RBFOX1: variants seen among roughly 807,000 people sequenced by gnomAD.
RBFOX1 encodes RNA binding fox-1 homolog 1.
A neutral mutation model predicts 57.7 loss-of-function variants in RBFOX1; 8 were observed. The ratio of observed to expected loss-of-function variants is 0.14; its 90% CI spans 0.08 to 0.25. The LOEUF (loss-of-function observed/expected upper bound fraction) is 0.25, where lower values mean the gene tolerates loss of function less well. Among genes scored for constraint, RBFOX1 ranks in the 10% least tolerant of loss-of-function variants. RBFOX1 has a pLI of 1.00. For synonymous variants in RBFOX1, 326 were observed against 222.4 expected, an observed-to-expected ratio of 1.47 and a Z score of -4.15; for missense variants, 611 against 548.5, an observed-to-expected ratio of 1.11 and a Z score of -1.14.
At chr16:5,972,267 C>T (rs187986907) in intron 4 of RBFOX1, among the ~76,000 whole-genome samples, 4 of 151,954 alleles carry the variant, frequency 2.6e-5, no homozygotes, top group African/African-American at 9.6e-5. Context: ...CTGACTAATA[C>T]AGTTGCTAAG....
chr16:5,725,262 G>C (rs2151545165), intron 3 of RBFOX1, among the ~76,000 whole-genome samples: 1 of 151,960 alleles, frequency 6.6e-6, no homozygotes, highest in East Asian at 1.9e-4. Context: ...TTTTTGTTAA[G>C]AGACAGGGTC....
intron 2 of RBFOX1, among the ~76,000 whole-genome samples, chr16:6,484,895 T>C (rs1241961179): frequency 6.6e-6 from 1 of 152,212 alleles, no homozygotes; most frequent in Non-Finnish European, 1.5e-5. Flanking sequence ...TGCGGTTTAT[T>C]GCTGAAGCAG....
chr16:7,140,936 T>C (rs1283447983), intron 4 of RBFOX1, among the ~76,000 whole-genome samples: 1 of 152,098 alleles, frequency 6.6e-6, no homozygotes, highest in African/African-American at 2.4e-5. Context: ...TTTCTAAGTG[T>C]CTCAGAGCCT....
chr16:6,093,032 G>C (rs2096198876), intron 1 of RBFOX1: 1 of 152,140 alleles, frequency 6.6e-6, no homozygotes, highest in Non-Finnish European at 1.5e-5. Flanking sequence ...TTACCTGTAT[G>C]ACAAACCTGC....
intron 4 of RBFOX1, among the ~76,000 whole-genome samples, chr16:7,062,220 G>C (rs1437193092): frequency 6.7e-6 from 1 of 149,770 alleles, no homozygotes; most frequent in Non-Finnish European, 1.5e-5. Context: ...TCAGGAGGCT[G>C]AGGCAGGAGA....
chr16:5,726,738 C>G (rs2052166709), intron 3 of RBFOX1, among the ~76,000 whole-genome samples: 1 of 152,214 alleles, frequency 6.6e-6, no homozygotes, highest in African/African-American at 2.4e-5. Flanking sequence ...TCATTGCTGA[C>G]ATTGTGACAT....
chr16:6,237,783 T>G (rs552761892), intron 1 of RBFOX1, among the ~76,000 whole-genome samples: 22 of 151,112 alleles, frequency 1.5e-4, no homozygotes, highest in South Asian at 6.3e-4. Context: ...TAAATGAAAT[T>G]AAATTAAACA....
intron 3 of RBFOX1, among the ~76,000 whole-genome samples, chr16:5,743,070 C>T (rs965711734): frequency 6.6e-6 from 1 of 152,088 alleles, no homozygotes; most frequent in Non-Finnish European, 1.5e-5. Flanking sequence ...AAGTGCTTTT[C>T]TCAAATGGAC....
At chr16:5,760,247 G>C (rs933545191) in intron 3 of RBFOX1, among the ~76,000 whole-genome samples, 1 of 152,130 alleles carries the variant, frequency 6.6e-6, no homozygotes, top group African/African-American at 2.4e-5. Context: ...GGCAAACAGA[G>C]ACAGTTGGTT....
At chr16:7,430,619 C>G (rs1263721917) in intron 4 of RBFOX1, among the ~76,000 whole-genome samples, 1 of 149,712 alleles carries the variant, frequency 6.7e-6, no homozygotes, top group African/African-American at 2.5e-5. Flanking sequence ...AAGATTATGC[C>G]ACTGCACACC....
chr16:7,667,682 T>G (rs545920596), intron 13 of RBFOX1, among the ~76,000 whole-genome samples: 1 of 151,782 alleles, frequency 6.6e-6, no homozygotes, highest in South Asian at 2.1e-4. Context: ...AACCTCTTTT[T>G]GTTATTATTA....
At chr16:5,784,024 G>C (rs2054413202) in intron 3 of RBFOX1, among the ~76,000 whole-genome samples, 3 of 152,196 alleles carry the variant, frequency 2.0e-5, no homozygotes, top group African/African-American at 4.8e-5. Flanking sequence ...AAATAAAAGA[G>C]GTTTAATTAG....
At chr16:7,425,585 CAT>C (rs1223579245) in intron 4 of RBFOX1, among the ~76,000 whole-genome samples, 1 of 152,186 alleles carries the variant, frequency 6.6e-6, no homozygotes, top group Non-Finnish European at 1.5e-5. Context: ...TCTGAAATTA[CAT>C]AGTTTCCTCT....
chr16:5,901,395 C>T (rs185164185), intron 4 of RBFOX1, among the ~76,000 whole-genome samples: 2 of 152,132 alleles, frequency 1.3e-5, no homozygotes, highest in Non-Finnish European at 2.9e-5. Flanking sequence ...GCAATGATGT[C>T]TTATGATGTA....
intron 4 of RBFOX1, among the ~76,000 whole-genome samples, chr16:7,189,182 T>C (rs1602351484): frequency 6.6e-6 from 1 of 151,792 alleles, no homozygotes; most frequent in African/African-American, 2.4e-5. Context: ...TCCCAGCACT[T>C]TGGGAGGCCG....
chr16:5,576,294 G>A (rs2046454530), intron 2 of RBFOX1, among the ~76,000 whole-genome samples: 1 of 152,144 alleles, frequency 6.6e-6, no homozygotes, highest in African/African-American at 2.4e-5. Flanking sequence ...CGCCTAACCA[G>A]AAGTTTTCAT....
In RBFOX1 at chr16:5,251,301, C is replaced by T. The variant is rs537726720; in HGVS notation, c.219+11196C>T. Among the ~76,000 whole-genome samples the T allele has an allele frequency of 2.6e-5, 4 of 152,376 alleles. No homozygotes were observed. The East Asian group carries it at 7.7e-4, about 29-fold the overall frequency. ...AATGGGGATAATGTGATACTACTGT[C>T]TGCATCCTAGAGCTGCCATGAGGGT... On this transcript the variant is annotated intron_variant, in intron 1 of 2. Coordinates refer to the RBFOX1 transcript ENST00000585867.
chr16:5,562,675 A>C (rs1019747768), intron 2 of RBFOX1, among the ~76,000 whole-genome samples: 1 of 152,142 alleles, frequency 6.6e-6, no homozygotes, highest in South Asian at 2.1e-4. Flanking sequence ...CTGGTCCAGT[A>C]GGCATCTGGC....
chr16:5,832,320 G>A (rs1463491778), intron 3 of RBFOX1, among the ~76,000 whole-genome samples: 1 of 152,188 alleles, frequency 6.6e-6, no homozygotes, highest in African/African-American at 2.4e-5. Flanking sequence ...TAATGGACTA[G>A]GGAAGGGTGA....
Sources: allele counts gnomAD v4.1 joint callset (sites outside exome capture counted in the v4.1 genomes callset), GRCh38; gene constraint gnomAD v4.1.1; transcripts MANE v1.5; gene names NCBI Gene and HGNC (gene_info 2026-07-23, HGNC 2026-07-21).